Variants in USP7 observed in about 807,000 individuals in gnomAD.
USP7 encodes ubiquitin specific peptidase 7.
A neutral mutation model predicts 162.9 loss-of-function variants in USP7; 9 were observed. That is an observed-to-expected ratio of 0.06 (90% CI 0.03 to 0.10). The LOEUF is 0.10. USP7 is among the 10% of genes least tolerant of loss of function. The pLI is 1.00. For synonymous variants in USP7, 562 were observed against 475.9 expected (o/e 1.18, Z -2.35); for missense variants, 715 against 1,373.7 (o/e 0.52, Z 7.58).
intron 1 of USP7, chr16:8,936,497 C>G: frequency 1.5e-6 from 2 of 1,376,406 alleles, no homozygotes; most frequent in Non-Finnish European, 9.5e-7. Context: ...CCCAAATATA[C>G]TTCAGAAGTT....
At position 8,963,395 on chromosome 16, in the gene USP7, T is replaced by A; in HGVS notation, c.-110A>T. On this transcript the variant is annotated 5_prime_UTR_variant, in exon 1 of 31. Transcript: ENST00000344836. ...CGGCGGCGGCGGCGGCGGGGCGGCC[T>A]CCTCCTCCTCCTCCCGCGCGTCGTC... is the stretch of plus-strand genomic sequence containing the variant. The A allele has an allele frequency of 6.2e-6, 1 of 162,108 alleles. No homozygotes were observed. Among genetic ancestry groups the A allele is most frequent in the Non-Finnish European group, 1.1e-5 (1 of 87,360 alleles). The allele number at this position is 162,108 out of a possible 1,614,324, so 10.0% of individuals were successfully genotyped here. A position where few individuals can be genotyped will look rare whatever the true frequency, so the allele number is the denominator to read the frequency against.
chr16:8,948,910 G>A (rs1284455513), intron 1 of USP7, among the ~76,000 whole-genome samples: 1 of 152,086 alleles, frequency 6.6e-6, no homozygotes, highest in African/African-American at 2.4e-5. Flanking sequence ...GCTGCAATGA[G>A]CTATGATCAA....
At chr16:8,938,089 G>C in intron 1 of USP7, among the ~76,000 whole-genome samples, 1 of 152,084 alleles carries the variant, frequency 6.6e-6, no homozygotes, top group Non-Finnish European at 1.5e-5. Context: ...GTCACAGCTG[G>C]ACTGGCAAAG....
chr16:8,922,670 A>C (rs911016728), intron 3 of USP7, among the ~76,000 whole-genome samples: 15 of 152,236 alleles, frequency 9.9e-5, no homozygotes, highest in Non-Finnish European at 2.1e-4. Context: ...TACTCCCAGA[A>C]TCAACTGGGT....
chr16:8,926,500 G>C (rs1434161847), intron 2 of USP7, among the ~76,000 whole-genome samples: 1 of 150,576 alleles, frequency 6.6e-6, no homozygotes, highest in Non-Finnish European at 1.5e-5. Flanking sequence ...ATTCAAGATA[G>C]GAGGGCCAAA....
In USP7 at chr16:8,934,620, G is replaced by C. The variant is rs370164816; in HGVS notation, c.80-4223C>G. ...GCCTTGAAAACGCAAAGCAAGCAGA[G>C]GTCTGCGGTTGCAGCAGAATCTGAG... On this transcript the variant is annotated intron_variant, in intron 1 of 30. Transcript: ENST00000344836. 2.0e-5 allele frequency among the ~76,000 whole-genome samples: 3 copies of C among 152,216 alleles called. No homozygotes were observed. In the East Asian group the frequency reaches 5.8e-4, roughly 29 times the overall value.
intron 8 of USP7, 42 bp downstream of exon 8, chr16:8,916,460 A>C (rs1422667072): frequency 6.3e-7 from 1 of 1,581,200 alleles, no homozygotes; most frequent in South Asian, 1.2e-5. Context: ...ATGCTTCAAA[A>C]TATTCATTGT....
chr16:8,963,183 C>T, intron 1 of USP7, 24 bp downstream of exon 1: 1 of 1,401,328 alleles, frequency 7.1e-7, no homozygotes, highest in Non-Finnish European at 9.4e-7. Context: ...CCCGGCCCCG[C>T]CGCGGCCGGC....
chr16:8,917,834 G>A (rs186178115), intron 6 of USP7, among the ~76,000 whole-genome samples: 36 of 151,774 alleles, frequency 2.4e-4, no homozygotes, highest in Middle Eastern at 3.4e-3. Flanking sequence ...CTGTCACCCA[G>A]GCTGGAATGC....
intron 10 of USP7, among the ~76,000 whole-genome samples, chr16:8,913,490 G>GGCGA (rs1275863019): frequency 1.3e-5 from 2 of 152,000 alleles, no homozygotes; most frequent in Non-Finnish European, 2.9e-5. Flanking sequence ...TCAGAAATGA[G>GGCGA]GCGAGCAAGA....
At chr16:8,934,794 G>C (rs1898591337) in intron 1 of USP7, among the ~76,000 whole-genome samples, 1 of 152,234 alleles carries the variant, frequency 6.6e-6, no homozygotes, top group Non-Finnish European at 1.5e-5. Context: ...GTACATAAGG[G>C]GTGGGTCCCG....
intron 27 of USP7, 68 bp from the exon 28 acceptor site, chr16:8,895,218 A>T (rs1438005884): frequency 6.2e-7 from 1 of 1,609,794 alleles, no homozygotes; most frequent in African/African-American, 1.3e-5. Context: ...CCACATCTCA[A>T]TTCTCACACT....
At chr16:8,898,304 G>C in intron 25 of USP7, 56 bp downstream of exon 25, 1 of 1,388,784 alleles carries the variant, frequency 7.2e-7, no homozygotes, top group Non-Finnish European at 1.0e-6. Context: ...GGGACAGGTA[G>C]AAACAATAAG....
At chr16:8,928,639 G>C (rs1359841274) in intron 2 of USP7, among the ~76,000 whole-genome samples, 3 of 152,156 alleles carry the variant, frequency 2.0e-5, no homozygotes, top group South Asian at 2.1e-4. Flanking sequence ...CCATCAGAAA[G>C]ATATTACATG....
intron 3 of USP7, among the ~76,000 whole-genome samples, chr16:8,922,884 G>C (rs943855146): frequency 1.3e-5 from 2 of 152,180 alleles, no homozygotes; most frequent in Admixed American, 6.6e-5. Flanking sequence ...ACAATGGAAA[G>C]GATGTCTGGC....
chr16:8,894,718 G>T (rs978561415), intron 29 of USP7, 66 bp downstream of exon 29: 10 of 1,612,164 alleles, frequency 6.2e-6, no homozygotes, highest in Non-Finnish European at 8.5e-6. Flanking sequence ...AAAAGCCTAG[G>T]CCGCTACGCT....
At chr16:8,926,518 A>G (rs1015304480) in intron 2 of USP7, among the ~76,000 whole-genome samples, 4 of 152,162 alleles carry the variant, frequency 2.6e-5, no homozygotes, top group African/African-American at 9.7e-5. Flanking sequence ...AAAAAAAAGG[A>G]GAAGTGGACT....
At chr16:8,956,709 G>C (rs933923887) in intron 1 of USP7, among the ~76,000 whole-genome samples, 5 of 151,850 alleles carry the variant, frequency 3.3e-5, no homozygotes, top group African/African-American at 1.2e-4. Context: ...GTTGCAGTGA[G>C]CCGAGATCGT....
intron 2 of USP7, among the ~76,000 whole-genome samples, chr16:8,927,450 T>C (rs1898073988): frequency 6.6e-6 from 1 of 152,224 alleles, no homozygotes; most frequent in Admixed American, 6.5e-5. Context: ...TTCATTCTAA[T>C]ACAACTTCTT....
Sources: allele counts gnomAD v4.1 joint callset (sites outside exome capture counted in the v4.1 genomes callset), GRCh38; gene constraint gnomAD v4.1.1; transcripts MANE v1.5; gene names NCBI Gene and HGNC (gene_info 2026-07-23, HGNC 2026-07-21).